CPNE4: variants seen among roughly 807,000 people sequenced by gnomAD.
CPNE4 encodes the protein copine-4.
In CPNE4, 25 loss-of-function variants were observed where a neutral mutation model predicts 67.9. The observed-to-expected ratio is 0.37, with a 90% CI of 0.27 to 0.51. CPNE4 has a LOEUF of 0.51. Among genes scored for constraint, CPNE4 ranks in the 20% least tolerant of loss-of-function variants. The pLI is 0.93. For missense variants in CPNE4, 464 were observed against 690.8 expected (o/e 0.67, Z 3.68); for synonymous variants, 242 against 244.9 (o/e 0.99, Z 0.11).
chr3:131,894,741 C>T (rs2088255277), intron 2 of CPNE4, among the ~76,000 whole-genome samples: 1 of 151,918 alleles, frequency 6.6e-6, no homozygotes, highest in Non-Finnish European at 1.5e-5. Flanking sequence ...AAAGAAGAGG[C>T]AGCACTTACA....
upstream of CPNE4, among the ~76,000 whole-genome samples, chr3:132,038,436 G>A (rs1169618353): frequency 6.6e-6 from 1 of 152,124 alleles, no homozygotes; most frequent in Non-Finnish European, 1.5e-5. Context: ...CTACCAATAG[G>A]TGGCATCAAA....
chr3:131,617,870 G>T (rs1940248195), intron 7 of CPNE4, among the ~76,000 whole-genome samples: 1 of 152,116 alleles, frequency 6.6e-6, no homozygotes, highest in African/African-American at 2.4e-5. Flanking sequence ...TTCTTCAGAG[G>T]GTTCTGTTTG....
At chr3:131,856,940 A>T (rs966724248) in intron 2 of CPNE4, among the ~76,000 whole-genome samples, 2 of 152,022 alleles carry the variant, frequency 1.3e-5, no homozygotes, top group African/African-American at 4.8e-5. Flanking sequence ...CCCCATGATG[A>T]TATATGATTT....
intron 2 of CPNE4, among the ~76,000 whole-genome samples, chr3:131,859,183 A>T (rs2086575054): frequency 6.6e-6 from 1 of 152,174 alleles, no homozygotes; most frequent in Non-Finnish European, 1.5e-5. Context: ...TCTGTCCAAG[A>T]GAATCCTGGT....
At chr3:132,038,216 A>G (rs565047734), upstream of CPNE4, among the ~76,000 whole-genome samples, 1 of 152,074 alleles carries the variant, frequency 6.6e-6, no homozygotes, top group Non-Finnish European at 1.5e-5. Flanking sequence ...GGTGTGATGT[A>G]TTACTGGAAA....
chr3:131,746,801 TG>T (rs890413967), intron 2 of CPNE4, among the ~76,000 whole-genome samples: 5 of 152,254 alleles, frequency 3.3e-5, no homozygotes, highest in African/African-American at 1.2e-4. Flanking sequence ...AATAGGATTG[TG>T]GGGTTATATT....
intron 1 of CPNE4, among the ~76,000 whole-genome samples, chr3:131,998,396 C>A (rs1376730918): frequency 3.3e-5 from 5 of 152,098 alleles, no homozygotes; most frequent in Non-Finnish European, 5.9e-5. Context: ...ATTTTAGCAC[C>A]ACTAAACAGC....
intron 2 of CPNE4, among the ~76,000 whole-genome samples, chr3:131,878,993 T>C (rs569749062): frequency 3.9e-5 from 6 of 152,356 alleles, no homozygotes; most frequent in African/African-American, 1.4e-4. Context: ...TTTGTTTAGT[T>C]TGGAACATTC....
intron 1 of CPNE4, among the ~76,000 whole-genome samples, chr3:132,017,941 C>G (rs1415917309): frequency 6.6e-6 from 1 of 152,132 alleles, no homozygotes; most frequent in Non-Finnish European, 1.5e-5. Flanking sequence ...CTGCCAACTC[C>G]CTGAGGCGCT....
chr3:131,584,628 A>G (rs1460389562), intron 8 of CPNE4, among the ~76,000 whole-genome samples: 3 of 152,180 alleles, frequency 2.0e-5, no homozygotes, highest in Non-Finnish European at 4.4e-5. Context: ...AGCAAAAGTA[A>G]TATTTTAAAA....
At chr3:131,722,445 C>A (rs1371820139) in intron 3 of CPNE4, among the ~76,000 whole-genome samples, 1 of 151,446 alleles carries the variant, frequency 6.6e-6, no homozygotes, top group African/African-American at 2.4e-5. Context: ...CACCCCATAC[C>A]CCCCCACGTT....
At chr3:131,885,525 A>AT (rs1228958737) in intron 2 of CPNE4, among the ~76,000 whole-genome samples, 2 of 151,396 alleles carry the variant, frequency 1.3e-5, no homozygotes, top group East Asian at 1.9e-4. Flanking sequence ...CATATTTTAA[A>AT]TTTTTTTTAA....
chr3:131,646,679 T>C (rs2079674649), intron 7 of CPNE4, among the ~76,000 whole-genome samples: 1 of 152,160 alleles, frequency 6.6e-6, no homozygotes, highest in South Asian at 2.1e-4. Context: ...ATTGCATGCC[T>C]GCAACAAAAT....
intron 1 of CPNE4, among the ~76,000 whole-genome samples, chr3:131,980,858 T>C (rs2072886399): frequency 6.6e-6 from 1 of 152,140 alleles, no homozygotes; most frequent in Non-Finnish European, 1.5e-5. Flanking sequence ...AAGGCTGTTC[T>C]TCAGATTCTT....
At chr3:131,959,874 A>G (rs958203042) in intron 1 of CPNE4, among the ~76,000 whole-genome samples, 2 of 152,204 alleles carry the variant, frequency 1.3e-5, no homozygotes, top group Admixed American at 6.5e-5. Flanking sequence ...TGAATGCCTG[A>G]AAGAACCTTG....
At chr3:132,032,208 T>C (rs9289410) in intron 1 of CPNE4, among the ~76,000 whole-genome samples, 147,091 of 152,348 alleles carry the variant, frequency 0.97, 71,213 homozygotes, top group African/African-American at 0.99. Context: ...TTTAGGAATT[T>C]TAGTAAAGCA....
chr3:131,952,071 A>G (rs1284409836), intron 1 of CPNE4, among the ~76,000 whole-genome samples: 1 of 143,834 alleles, frequency 7.0e-6, no homozygotes, highest in East Asian at 2.2e-4. Context: ...CCAGTCTGGA[A>G]AGTGAGGAGC....
At chr3:132,010,402 G>A (rs2073726867) in intron 1 of CPNE4, among the ~76,000 whole-genome samples, 1 of 149,438 alleles carries the variant, frequency 6.7e-6, no homozygotes, top group Admixed American at 6.7e-5. Flanking sequence ...ATAATCTGAG[G>A]AAATTTTAGC....
rs534449581 is a variant in CPNE4, at chr3:131,687,976, G to A, written c.508-2018C>T. ...GACTATAGCCTAGGGAAGCATAGGGGAGGAATTGGAGACAATGCTGGCAAA... is the reference window on the plus strand; with the variant it reads ...GACTATAGCCTAGGGAAGCATAGGGAAGGAATTGGAGACAATGCTGGCAAA... On this transcript the variant is annotated intron_variant, in intron 5 of 15. Coordinates refer to ENST00000429747, the MANE Select transcript of CPNE4 (RefSeq NM_130808.3). Among the ~76,000 whole-genome samples, 114 of 152,334 alleles carry A rather than the reference G, an allele frequency of 7.5e-4. 1 individual carries two copies. Among genetic ancestry groups the A allele is most frequent in the African/African-American group, 2.3e-3 (94 of 41,576 alleles).
Sources: gnomAD v4.1 joint callset for allele counts (sites outside exome capture counted in the v4.1 genomes callset) on GRCh38, gnomAD v4.1.1 for gene constraint, MANE v1.5 for transcripts, NCBI Gene and HGNC (gene_info 2026-07-23, HGNC 2026-07-21) for gene names.